The following ZNF112 variants were observed in gnomAD, a reference collection of about 807,000 sequenced individuals.
ZNF112 encodes the protein zinc finger protein 112.
Under a neutral mutation model 77.7 loss-of-function variants are expected in ZNF112, and 37 were observed. The ratio of observed to expected loss-of-function variants is 0.48; its 90% CI spans 0.37 to 0.63. The LOEUF (loss-of-function observed/expected upper bound fraction) is 0.63. Ranked by LOEUF, ZNF112 falls within the 20% of genes least tolerant of loss-of-function variation. The pLI, the probability that ZNF112 is intolerant of heterozygous loss-of-function variation, is 0.00. For missense variants in ZNF112, 950 were observed against 1,077.4 expected (o/e 0.88, Z 1.66); for synonymous variants, 333 against 363.6 (o/e 0.92, Z 0.96).
At chr19:44,347,403 T>C (rs531124008) in intron 1 of ZNF112, among the ~76,000 whole-genome samples, 1 of 152,036 alleles carries the variant, frequency 6.6e-6, no homozygotes, top group East Asian at 1.9e-4. Context: ...GGTTTCTGTC[T>C]ACCATTTTAT....
At chr19:44,349,376 A>C (rs879610130) in intron 1 of ZNF112, among the ~76,000 whole-genome samples, 13 of 151,880 alleles carry the variant, frequency 8.6e-5, no homozygotes, top group East Asian at 1.9e-4. Flanking sequence ...AGAAAAAAAA[A>C]CAGAAAAACA....
At chr19:44,355,025 T>C (rs1970761235) in intron 1 of ZNF112, among the ~76,000 whole-genome samples, 1 of 152,052 alleles carries the variant, frequency 6.6e-6, no homozygotes, top group South Asian at 2.1e-4. Flanking sequence ...CAAACGATAT[T>C]ATACTAAGTC....
rs1295319217 is a variant in ZNF112, at chr19:44,326,894, T to C, written c.*539A>G. Reference sequence around the variant, plus strand: ...CCCAATAGGGTTACAATCAAATTAATGTTATTTCAGATCATCATAATGCTT... The same window carrying C: ...CCCAATAGGGTTACAATCAAATTAACGTTATTTCAGATCATCATAATGCTT... On this transcript the variant is annotated 3_prime_UTR_variant, in exon 4 of 4. Coordinates refer to ENST00000354340, the MANE Select transcript of ZNF112 (RefSeq NM_013380.4). 3.2e-5 allele frequency: 5 copies of C among 154,162 alleles called. No individual in the cohort carries two copies. The highest frequency in any genetic ancestry group is 2.5e-4 in the Admixed American group (4 of 15,710). The allele number at this position is 154,162 out of a possible 1,614,324, so 9.5% of individuals were successfully genotyped here. A position where few individuals can be genotyped will look rare whatever the true frequency, so the allele number is the denominator to read the frequency against.
chr19:44,354,730 G>A (rs1425235952), intron 1 of ZNF112, among the ~76,000 whole-genome samples: 1 of 152,044 alleles, frequency 6.6e-6, no homozygotes, highest in Admixed American at 6.6e-5. Flanking sequence ...AGTATGACAT[G>A]GTCCCAGAAA....
At chr19:44,338,497 C>T (rs770271361) in intron 2 of ZNF112, among the ~76,000 whole-genome samples, 8 of 152,318 alleles carry the variant, frequency 5.3e-5, no homozygotes, top group South Asian at 2.1e-4. Flanking sequence ...GGACAGATGA[C>T]TTCACGTGCC....
At chr19:44,333,060 T>A (rs1430431637) in intron 3 of ZNF112, among the ~76,000 whole-genome samples, 2 of 152,212 alleles carry the variant, frequency 1.3e-5, no homozygotes, top group African/African-American at 2.4e-5. Flanking sequence ...GCCGAAGACA[T>A]CATTTGAGGT....
At chr19:44,355,289 A>C (rs1417716849) in intron 1 of ZNF112, among the ~76,000 whole-genome samples, 1 of 152,218 alleles carries the variant, frequency 6.6e-6, no homozygotes, top group African/African-American at 2.4e-5. Flanking sequence ...AAACATTGAA[A>C]TATTAATATT....
intron 1 of ZNF112, among the ~76,000 whole-genome samples, chr19:44,351,818 C>A (rs189610645): frequency 6.6e-6 from 1 of 151,972 alleles, no homozygotes; most frequent in African/African-American, 2.4e-5. Flanking sequence ...TTACCAAAAT[C>A]AAGAATGAAA....
At chr19:44,351,133 T>G (rs1970684497) in intron 1 of ZNF112, among the ~76,000 whole-genome samples, 1 of 152,120 alleles carries the variant, frequency 6.6e-6, no homozygotes, top group Non-Finnish European at 1.5e-5. Flanking sequence ...GCTGCAGCAC[T>G]CCAATTTCTG....
At chr19:44,348,020 T>C (rs1415675138) in intron 1 of ZNF112, among the ~76,000 whole-genome samples, 1 of 152,180 alleles carries the variant, frequency 6.6e-6, no homozygotes, top group African/African-American at 2.4e-5. Flanking sequence ...GTTTTTCCAA[T>C]GTTTTCTGGC....
intron 1 of ZNF112, among the ~76,000 whole-genome samples, chr19:44,362,119 G>A (rs73556929): frequency 6.6e-6 from 1 of 151,922 alleles, no homozygotes; most frequent in South Asian, 2.1e-4. Context: ...GAAAAAATGA[G>A]GATTAGAGAA....
At chr19:44,343,168 C>T in intron 1 of ZNF112, 1 of 1,473,922 alleles carries the variant, frequency 6.8e-7, no homozygotes, top group Non-Finnish European at 9.3e-7. Flanking sequence ...CATTCTTTAC[C>T]CTTGGCAAAG....
chr19:44,337,378 A>G (rs1194069572), intron 2 of ZNF112, among the ~76,000 whole-genome samples: 50 of 56,538 alleles, frequency 8.8e-4, no homozygotes, highest in African/African-American at 4.0e-3. Flanking sequence ...TATATATTTT[A>G]TATATAATAA....
At chr19:44,336,312 A>G (rs865997276) in intron 3 of ZNF112, among the ~76,000 whole-genome samples, 32 of 152,208 alleles carry the variant, frequency 2.1e-4, no homozygotes, top group Admixed American at 7.9e-4. Context: ...TACCCAATTC[A>G]TTCAGAGAGA....
In ZNF112 at chr19:44,327,511, G is replaced by T. The variant is rs374701729; in HGVS notation, c.2646C>A (p.Phe882Leu). 24 of 1,613,734 alleles carry T rather than the reference G, an allele frequency of 1.5e-5. No individual in the cohort carries two copies. The African/African-American group carries it at 2.1e-4, about 14-fold the overall frequency. ...IHQRVHSSDK[F>L]YKSEDYGKDY... ...CCTTACCATAGTCTTCGCTTTTATA[G>T]AATTTATCACTACTATGGACTCTTT... The change falls in exon 4 of 4, where the codon TTC becomes TTA. Residue 882 changes from phenylalanine to leucine, a missense_variant. This residue lies in a region of ZNF112 where 373 missense variants were observed against 482.8 expected (regional missense o/e 0.77). Coordinates refer to ENST00000354340, the MANE Select transcript of ZNF112 (RefSeq NM_013380.4).
Position 44,356,439 on chromosome 19 carries a change from G to A in ZNF112, c.-4+187C>T, listed in dbSNP as rs575710828. 1.4e-3 allele frequency among the ~76,000 whole-genome samples: 218 copies of A among 152,190 alleles called. 1 individual carries two copies. The highest frequency in any genetic ancestry group is 5.2e-3 in the African/African-American group (216 of 41,514). On this transcript the variant is annotated intron_variant, in intron 1 of 3. Coordinates refer to ENST00000354340, the MANE Select transcript of ZNF112 (RefSeq NM_013380.4). ...CTGCGATGTAGGATCTTGGACCCCC[G>A]GCGCTAAGTGGGGATGCGCCAGCTG...
chr19:44,328,011 T>C lies in ZNF112; in HGVS notation c.2146A>G (p.Ile716Val). 6.2e-7 allele frequency: 1 copy of C among 1,613,826 alleles called. No homozygotes were observed. Among genetic ancestry groups the C allele is most frequent in the South Asian group, 1.1e-5 (1 of 91,060 alleles). Residue 716 changes from isoleucine to valine, a missense_variant, in exon 4 of 4, where the codon ATA becomes GTA. Ile to Val is a conservative substitution (Grantham distance 29). Around this residue, in one of 3 missense-constraint regions of ZNF112, gnomAD observed 373 missense variants for 482.8 expected, o/e 0.77. Coordinates refer to ENST00000354340, the MANE Select transcript of ZNF112 (RefSeq NM_013380.4). ...QSVHSGERPY[I>V]CEVCGKGFSQ... is the part of the protein sequence containing the mutation. ...AAGCCCTTTCCACATACCTCACATATATATGGTCTTTCTCCAGAATGGACA... is the reference window on the plus strand; with the variant it reads ...AAGCCCTTTCCACATACCTCACATACATATGGTCTTTCTCCAGAATGGACA...
chr19:44,344,014 G>GA (rs1397869806), intron 1 of ZNF112, among the ~76,000 whole-genome samples: 1 of 152,196 alleles, frequency 6.6e-6, no homozygotes, highest in East Asian at 1.9e-4. Flanking sequence ...CCACCCTTAT[G>GA]AAAAATGCAG....
intron 1 of ZNF112, among the ~76,000 whole-genome samples, chr19:44,355,672 C>T (rs1970773865): frequency 1.3e-5 from 2 of 152,180 alleles, no homozygotes; most frequent in South Asian, 4.1e-4. Flanking sequence ...TGGTACCCAA[C>T]CCAGGCTCAA....
Sources: gnomAD v4.1 joint callset for allele counts (sites outside exome capture counted in the v4.1 genomes callset) on GRCh38, gnomAD v4.1.1 for gene constraint, gnomAD v4.1.1 regional missense constraint, MANE v1.5 for transcripts, NCBI Gene and HGNC (gene_info 2026-07-23, HGNC 2026-07-21) for gene names.